ZFPM2: variants seen among roughly 807,000 people sequenced by gnomAD.
ZFPM2 encodes zinc finger protein ZFPM2.
A neutral mutation model predicts 98.6 loss-of-function variants in ZFPM2; 20 were observed. The observed-to-expected ratio is 0.20, with a 90% CI of 0.14 to 0.29. The LOEUF is 0.29. Among genes scored for constraint, ZFPM2 ranks in the 10% least tolerant of loss-of-function variants. The probability of loss-of-function intolerance (pLI) is 1.00; values close to 1 mark genes in which losing one functional copy is unlikely to be tolerated. For synonymous variants in ZFPM2, 518 were observed against 502.7 expected, an observed-to-expected ratio of 1.03 and a Z score of -0.41; for missense variants, 1,310 against 1,388.6, an observed-to-expected ratio of 0.94 and a Z score of 0.90.
At chr8:105,692,129 A>G (rs1437450574) in intron 5 of ZFPM2, among the ~76,000 whole-genome samples, 3 of 152,192 alleles carry the variant, frequency 2.0e-5, no homozygotes, top group African/African-American at 7.2e-5. Flanking sequence ...TGATTTATTT[A>G]GTTTTTTACA....
chr8:105,786,547 G>A (rs1002325893), intron 5 of ZFPM2, among the ~76,000 whole-genome samples: 2 of 151,928 alleles, frequency 1.3e-5, no homozygotes, highest in African/African-American at 4.8e-5. Context: ...AGAATGATAC[G>A]CTCTGACTAA....
intron 3 of ZFPM2, among the ~76,000 whole-genome samples, chr8:105,536,993 A>G (rs567175284): frequency 2.0e-5 from 3 of 152,310 alleles, no homozygotes; most frequent in African/African-American, 7.2e-5. Context: ...CTAAAATCAC[A>G]GGAGTAGTAA....
At chr8:105,647,826 C>T (rs1443346694) in intron 5 of ZFPM2, among the ~76,000 whole-genome samples, 7 of 151,926 alleles carry the variant, frequency 4.6e-5, no homozygotes, top group African/African-American at 1.7e-4. Flanking sequence ...TGAATAGCAC[C>T]ACAATAAATA....
chr8:105,322,330 T>G (rs1467054014), intron 1 of ZFPM2, among the ~76,000 whole-genome samples: 1 of 152,112 alleles, frequency 6.6e-6, no homozygotes, highest in East Asian at 1.9e-4. Flanking sequence ...GTGTGTGCAG[T>G]TTTATTGTTA....
At chr8:105,737,294 C>T (rs1459047529) in intron 5 of ZFPM2, 1 of 152,856 alleles carries the variant, frequency 6.5e-6, no homozygotes, top group Non-Finnish European at 1.5e-5. Context: ...GCTGAGCACT[C>T]CTCCACACCA....
chr8:105,797,092 C>T (rs1813848582), intron 6 of ZFPM2: 1 of 152,216 alleles, frequency 6.6e-6, no homozygotes, highest in African/African-American at 2.4e-5. Context: ...TCTACTTCCT[C>T]AGCATAATTC....
At chr8:105,746,368 A>T (rs565650155) in intron 5 of ZFPM2, among the ~76,000 whole-genome samples, 3 of 152,184 alleles carry the variant, frequency 2.0e-5, no homozygotes, top group Non-Finnish European at 4.4e-5. Context: ...GCCAATGATA[A>T]CTGCTATTAT....
At chr8:105,713,653 G>A (rs986592039) in intron 5 of ZFPM2, among the ~76,000 whole-genome samples, 11 of 151,960 alleles carry the variant, frequency 7.2e-5, no homozygotes, top group African/African-American at 2.7e-4. Flanking sequence ...TATGTGGTGA[G>A]AGGTAGGCAT....
Position 105,380,615 on chromosome 8 carries a change from AT to A in ZFPM2, c.41-38527del, listed in dbSNP as rs1810831046. Among the ~76,000 whole-genome samples, 4 of 54,070 alleles carry A rather than the reference AT, an allele frequency of 7.4e-5. 1 individual carries two copies. Among genetic ancestry groups the A allele is most frequent in the African/African-American group, 3.2e-4 (4 of 12,646 alleles). The allele number at this position is 54,070 out of a possible 152,430, so 35.5% of individuals were successfully genotyped here. On this transcript the variant is annotated intron_variant, in intron 1 of 7. Transcript: ENST00000407775. ...GTATATATATATTATATATATATAT[AT>A]TATATATAACATATATATTATATAT...
At chr8:105,609,088 A>G (rs1194698659) in intron 4 of ZFPM2, among the ~76,000 whole-genome samples, 2 of 152,162 alleles carry the variant, frequency 1.3e-5, no homozygotes, top group Non-Finnish European at 2.9e-5. Flanking sequence ...GCAATATATC[A>G]ACAAGTACAA....
chr8:105,641,723 A>C (rs1816952007), intron 5 of ZFPM2, among the ~76,000 whole-genome samples: 1 of 152,074 alleles, frequency 6.6e-6, no homozygotes, highest in Non-Finnish European at 1.5e-5. Context: ...TATTGTCTTT[A>C]GTTATTACTA....
chr8:105,620,673 T>G (rs1816520747), intron 4 of ZFPM2, among the ~76,000 whole-genome samples: 1 of 152,218 alleles, frequency 6.6e-6, no homozygotes, highest in African/African-American at 2.4e-5. Flanking sequence ...AGGTCTAACA[T>G]TTAAGTCTTT....
chr8:105,792,432 T>C (rs929537213), intron 6 of ZFPM2, among the ~76,000 whole-genome samples: 8 of 152,234 alleles, frequency 5.3e-5, no homozygotes, highest in Non-Finnish European at 1.2e-4. Flanking sequence ...AGTTCTAGTT[T>C]GATTGCACTG....
chr8:105,680,725 A>AT (rs1810580698), intron 5 of ZFPM2, among the ~76,000 whole-genome samples: 2 of 152,200 alleles, frequency 1.3e-5, no homozygotes, highest in South Asian at 4.1e-4. Context: ...AAGAAAAAGA[A>AT]TATCTTGGGT....
intron 4 of ZFPM2, among the ~76,000 whole-genome samples, chr8:105,564,836 T>G (rs1319830448): frequency 6.6e-6 from 1 of 152,160 alleles, no homozygotes; most frequent in Non-Finnish European, 1.5e-5. Flanking sequence ...TATTATGTAA[T>G]TAGACTACTT....
At chr8:105,545,123 G>C (rs1477372917) in intron 3 of ZFPM2, among the ~76,000 whole-genome samples, 2 of 152,096 alleles carry the variant, frequency 1.3e-5, no homozygotes, top group Non-Finnish European at 2.9e-5. Flanking sequence ...ATTTTCACAG[G>C]ATCCTAAGGA....
At chr8:105,577,104 C>T (rs1380618144) in intron 4 of ZFPM2, among the ~76,000 whole-genome samples, 4 of 152,100 alleles carry the variant, frequency 2.6e-5, no homozygotes, top group Non-Finnish European at 4.4e-5. Flanking sequence ...TTTGTACATA[C>T]AGCCATAGAA....
intron 5 of ZFPM2, among the ~76,000 whole-genome samples, chr8:105,651,059 G>T (rs1437456406): frequency 6.6e-6 from 1 of 152,076 alleles, no homozygotes; most frequent in Non-Finnish European, 1.5e-5. Flanking sequence ...CAGTCTACTT[G>T]TTGCCAAGTT....
At chr8:105,547,601 T>C (rs1348882425) in intron 3 of ZFPM2, among the ~76,000 whole-genome samples, 1 of 149,658 alleles carries the variant, frequency 6.7e-6, no homozygotes, top group Non-Finnish European at 1.5e-5. Context: ...AAAGCTATAC[T>C]TTAAATTCGT....
Sources: gnomAD v4.1 joint callset for allele counts (sites outside exome capture counted in the v4.1 genomes callset) on GRCh38, gnomAD v4.1.1 for gene constraint, MANE v1.5 for transcripts, NCBI Gene and HGNC (gene_info 2026-07-23, HGNC 2026-07-21) for gene names.